Variants in ANKS1B observed in about 807,000 individuals in gnomAD.
ANKS1B encodes the protein ankyrin repeat and sterile alpha motif domain-containing protein 1B.
Under a neutral mutation model 148.3 loss-of-function variants are expected in ANKS1B, and 36 were observed. That is an observed-to-expected ratio of 0.24 (90% CI 0.19 to 0.32). The LOEUF is 0.32. ANKS1B is among the 10% of genes least tolerant of loss of function. The pLI, the probability that ANKS1B is intolerant of heterozygous loss-of-function variation, is 1.00. For synonymous variants in ANKS1B, 542 were observed against 560.8 expected (o/e 0.97, Z 0.47); for missense variants, 1,157 against 1,542.6 (o/e 0.75, Z 4.19).
intron 9 of ANKS1B, among the ~76,000 whole-genome samples, chr12:99,622,895 T>G (rs977187808): frequency 6.6e-6 from 1 of 152,024 alleles, no homozygotes; most frequent in Admixed American, 6.6e-5. Context: ...TCTCTTTCTA[T>G]GAAACCAGTA....
At chr12:99,064,627 A>T (rs1459990466) in intron 16 of ANKS1B, among the ~76,000 whole-genome samples, 2 of 152,256 alleles carry the variant, frequency 1.3e-5, no homozygotes, top group East Asian at 3.8e-4. Flanking sequence ...GCCGTGTGTG[A>T]GAGCTACTAG....
intron 1 of ANKS1B, among the ~76,000 whole-genome samples, chr12:99,959,359 G>A (rs2095374931): frequency 6.6e-6 from 1 of 150,906 alleles, no homozygotes; most frequent in African/African-American, 2.4e-5. Flanking sequence ...TTACAGGCGT[G>A]AGCCACCATG....
intron 14 of ANKS1B, among the ~76,000 whole-genome samples, chr12:99,158,317 A>C (rs1372745215): frequency 6.6e-6 from 1 of 152,162 alleles, no homozygotes; most frequent in East Asian, 1.9e-4. Context: ...TTTAAGTTCC[A>C]AAAGTGAGAC....
chr12:99,699,183 C>T (rs953436401), intron 8 of ANKS1B, among the ~76,000 whole-genome samples: 5 of 152,206 alleles, frequency 3.3e-5, no homozygotes, highest in East Asian at 1.9e-4. Flanking sequence ...CAGACACATA[C>T]GTGTGTGTGC....
At chr12:99,205,932 T>C (rs1159479043) in intron 14 of ANKS1B, among the ~76,000 whole-genome samples, 1 of 152,114 alleles carries the variant, frequency 6.6e-6, no homozygotes, top group Non-Finnish European at 1.5e-5. Flanking sequence ...TCTGACAGGG[T>C]CAGGCAGAAA....
At chr12:98,853,952 A>C (rs2099547143) in intron 17 of ANKS1B, among the ~76,000 whole-genome samples, 1 of 152,170 alleles carries the variant, frequency 6.6e-6, no homozygotes, top group African/African-American at 2.4e-5. Flanking sequence ...TTGTTCCATA[A>C]TCAGGCTTCA....
chr12:99,919,306 G>A (rs1327373865), intron 1 of ANKS1B, among the ~76,000 whole-genome samples: 1 of 151,914 alleles, frequency 6.6e-6, no homozygotes, highest in East Asian at 1.9e-4. Flanking sequence ...ATAGAATGTG[G>A]AAGAAAAAAA....
At chr12:99,065,904 A>T (rs755675126) in intron 16 of ANKS1B, among the ~76,000 whole-genome samples, 4 of 152,154 alleles carry the variant, frequency 2.6e-5, no homozygotes, top group Non-Finnish European at 5.9e-5. Flanking sequence ...GAAAAAAGAG[A>T]AAGTGCAGTG....
intron 1 of ANKS1B, among the ~76,000 whole-genome samples, chr12:99,936,031 G>A (rs1247090367): frequency 1.3e-5 from 2 of 152,136 alleles, no homozygotes; most frequent in Non-Finnish European, 2.9e-5. Context: ...GGAAATGCCA[G>A]ATGTTTATAA....
intron 9 of ANKS1B, chr12:99,649,243 G>A (rs975515684): frequency 1.4e-6 from 2 of 1,406,702 alleles, no homozygotes; most frequent in Non-Finnish European, 2.0e-6. Context: ...AGAGAAAGGA[G>A]ATCTTGCTGG....
At chr12:99,809,443 T>G (rs1243031588) in intron 3 of ANKS1B, among the ~76,000 whole-genome samples, 1 of 150,518 alleles carries the variant, frequency 6.6e-6, no homozygotes, top group Non-Finnish European at 1.5e-5. Flanking sequence ...TTAAAGAAAT[T>G]GAAAATTTTC....
At chr12:99,093,993 C>T (rs1357007037) in intron 15 of ANKS1B, among the ~76,000 whole-genome samples, 3 of 152,150 alleles carry the variant, frequency 2.0e-5, no homozygotes, top group Non-Finnish European at 2.9e-5. Context: ...AATCTGGCTG[C>T]CTTAGACAGG....
At chr12:99,643,983 T>C (rs2098334575) in intron 9 of ANKS1B, among the ~76,000 whole-genome samples, 1 of 152,234 alleles carries the variant, frequency 6.6e-6, no homozygotes, top group Non-Finnish European at 1.5e-5. Context: ...CTGGATAGAT[T>C]GAGAATGTTC....
chr12:99,087,452 G>T (rs1160043043), intron 15 of ANKS1B, among the ~76,000 whole-genome samples: 2 of 152,014 alleles, frequency 1.3e-5, no homozygotes, highest in Non-Finnish European at 2.9e-5. Context: ...AAAGCCTAAT[G>T]AAAAACAAAT....
chr12:98,818,566 G>A (rs2099160647), intron 19 of ANKS1B, among the ~76,000 whole-genome samples: 1 of 152,028 alleles, frequency 6.6e-6, no homozygotes, highest in Non-Finnish European at 1.5e-5. Context: ...TGTTTTACTT[G>A]TTCTACCTCA....
intron 1 of ANKS1B, among the ~76,000 whole-genome samples, chr12:99,912,418 C>G (rs2094033918): frequency 6.6e-6 from 1 of 151,278 alleles, no homozygotes; most frequent in Non-Finnish European, 1.5e-5. Flanking sequence ...GTGGCATAAT[C>G]TCCACTCACT....
intron 14 of ANKS1B, among the ~76,000 whole-genome samples, chr12:99,222,732 G>T (rs1047196837): frequency 6.6e-6 from 1 of 152,150 alleles, no homozygotes; most frequent in Non-Finnish European, 1.5e-5. Flanking sequence ...GATATGAATT[G>T]TTGTTGATCT....
intron 1 of ANKS1B, among the ~76,000 whole-genome samples, chr12:99,933,666 A>G (rs1184687981): frequency 6.6e-6 from 1 of 152,126 alleles, no homozygotes; most frequent in African/African-American, 2.4e-5. Flanking sequence ...TTCTAAATAT[A>G]AGACTATATC....
chr12:99,294,200 G>T (rs531947000), intron 12 of ANKS1B, among the ~76,000 whole-genome samples: 19 of 152,254 alleles, frequency 1.2e-4, no homozygotes, highest in Non-Finnish European at 2.4e-4. Flanking sequence ...AATGAAATAG[G>T]TATATAAGAC....
Sources: allele counts gnomAD v4.1 joint callset (sites outside exome capture counted in the v4.1 genomes callset), GRCh38; gene constraint gnomAD v4.1.1; transcripts MANE v1.5; gene names NCBI Gene and HGNC (gene_info 2026-07-23, HGNC 2026-07-21).